The following INSRR variants were observed in gnomAD, a reference collection of about 807,000 sequenced individuals.
INSRR encodes insulin receptor related receptor, also known as insulin receptor-related protein.
A neutral mutation model predicts 130.0 loss-of-function variants in INSRR; 114 were observed. That is an observed-to-expected ratio of 0.88 (90% CI 0.75 to 1.02). INSRR has a LOEUF of 1.02. INSRR is among the 50% of genes least tolerant of loss of function. The pLI is 0.00. For missense variants in INSRR, 1,657 were observed against 1,735.2 expected, an observed-to-expected ratio of 0.95 and a Z score of 0.80; for synonymous variants, 674 against 705.2, an observed-to-expected ratio of 0.96 and a Z score of 0.70.
rs201311148 is a variant in INSRR, at chr1:156,854,215, C to T, written c.174G>A (p.Leu58=). The change falls in exon 2 of 22, where the codon CTG becomes CTA. Residue 58 remains leucine, a synonymous_variant. Transcript: ENST00000368195. This position sits in a 1 kb window ranked among gnomAD's most constrained non-coding sequence, Gnocchi z 4.2. ...CSVVEGHLQI[L]LMFTATGEDF... ...CCTCCCCGGTGGCTGTGAACATGAGCAGGATCTGCAGGTGGCCCTCCACCA... is the reference window on the plus strand; with the variant it reads ...CCTCCCCGGTGGCTGTGAACATGAGTAGGATCTGCAGGTGGCCCTCCACCA... The T allele has an allele frequency of 7.4e-6, 12 of 1,614,032 alleles. No individual in the cohort carries two copies. The Admixed American group carries it at 2.0e-4, about 27-fold the overall frequency.
Position 156,849,362 on chromosome 1 carries a change from G to A in INSRR, c.1328C>T (p.Ala443Val). ...TTCCAAGCAGAGGCGCGGGTTGAAG[G>A]CGAAGTAGATCTTGCCCACGGGAAT... ...LTIPVGKIYF[A>V]FNPRLCLEHI... The change falls in exon 6 of 22, where the codon GCC (alanine) becomes GTC (valine). Residue 443 changes from alanine (A) to valine (V), a missense_variant. Ala to Val is a moderately conservative substitution (Grantham distance 64). Transcript: ENST00000368195. 6.2e-7 allele frequency: 1 copy of A among 1,613,980 alleles called. No homozygotes were observed.
rs967609376 is a variant in INSRR at position 156,840,892 on chromosome 1, T to C, written c.3875A>G (p.Asn1292Ser). 2.5e-6 allele frequency: 4 copies of C among 1,611,938 alleles called. No homozygotes were observed. Among genetic ancestry groups the C allele is most frequent in the African/African-American group, 1.3e-5 (1 of 74,844 alleles). ...SPTPRDCSPQ[N>S]GGPGH ...TGCCCCTCAGTGCCCTGGACCCCCA[T>C]TTTGAGGGCTGCAGTCTCTTGGAGT... The change falls in exon 22 of 22, where the codon AAT becomes AGT. Residue 1292 changes from asparagine to serine, a missense_variant. Transcript: ENST00000368195.
rs768816866 is a variant in INSRR, at chr1:156,851,993, C to T, written c.836G>A (p.Arg279His). ...YESWRCVTAE[R>H]CASLHSVPGR... Reference sequence around the variant, plus strand: ...GGGCACAGAGTGCAGGCTGGCACAGCGCTCAGCTGTGACACAGCGCCAGGA... The same window carrying T: ...GGGCACAGAGTGCAGGCTGGCACAGTGCTCAGCTGTGACACAGCGCCAGGA... The change falls in exon 3 of 22, where the codon CGC becomes CAC. Residue 279 changes from arginine to histidine, a missense_variant. Coordinates refer to ENST00000368195, the MANE Select transcript of INSRR (RefSeq NM_014215.3). 47 of 1,611,656 alleles carry T rather than the reference C, an allele frequency of 2.9e-5. No individual in the cohort carries two copies. Among genetic ancestry groups the T allele is most frequent in the Middle Eastern group, 3.3e-4 (2 of 6,074 alleles).
Position 156,845,777 on chromosome 1 carries a change from G to T in INSRR, c.2016C>A (p.Phe672Leu), listed in dbSNP as rs1333894025. 6.2e-7 allele frequency: 1 copy of T among 1,613,200 alleles called. No individual in the cohort carries two copies. The highest frequency in any genetic ancestry group is 1.7e-5 in the Admixed American group (1 of 60,000). Reference sequence around the variant, plus strand: ...CCTCAGGATCCCCGTCTTCGCCGTCGAAGCGCGGATCGTTGTTGCTGGTGG... The same window carrying T: ...CCTCAGGATCCCCGTCTTCGCCGTCTAAGCGCGGATCGTTGTTGCTGGTGG... ...RLPTSNNDPR[F>L]DGEDGDPEAE... Residue 672 changes from phenylalanine (F) to leucine (L), a missense_variant, in exon 10 of 22, where the codon TTC becomes TTA. Phe to Leu is a conservative substitution (Grantham distance 22). Coordinates refer to ENST00000368195, the MANE Select transcript of INSRR (RefSeq NM_014215.3).
Position 156,841,462 on chromosome 1 carries a change from A to T in INSRR, c.3594T>A (p.Asn1198Lys). The change falls in exon 21 of 22, where the codon AAT (asparagine) becomes AAA (lysine). Residue 1198 changes from asparagine (N) to lysine (K), a missense_variant. Asn to Lys is a moderately conservative substitution (Grantham distance 94, BLOSUM62 0). Coordinates refer to ENST00000368195, the MANE Select transcript of INSRR (RefSeq NM_014215.3). ...CCATGACGAACTTCAGCACCTGCTC[A>T]TTGGACAGGCCCTGGTAGGGTTGTT... ...LAEQPYQGLS[N>K]EQVLKFVMDG... is the part of the protein sequence containing the mutation. 5 of 1,613,930 alleles carry T rather than the reference A, an allele frequency of 3.1e-6. No individual in the cohort carries two copies. Among genetic ancestry groups the T allele is most frequent in the Non-Finnish European group, 4.2e-6 (5 of 1,179,942 alleles).
rs760065948 is a variant in INSRR, at chr1:156,845,953, G to T, written c.1977C>A (p.Arg659=). ...GGCCTGCGCGTCGTCCCTGCGCACCGCGGTGGCAGTAGTCATTGAGGTAGA... is the reference window on the plus strand; with the variant it reads ...GGCCTGCGCGTCGTCCCTGCGCACCTCGGTGGCAGTAGTCATTGAGGTAGA... The part of the protein sequence containing the change: ...GDLYLNDYCH[R]GLRLPTSNND... The change falls in exon 9 of 22, where the codon CGC becomes CGA. Residue 659 remains arginine, a splice_region_variant and synonymous_variant. Coordinates refer to ENST00000368195, the MANE Select transcript of INSRR (RefSeq NM_014215.3). 2.5e-6 allele frequency: 4 copies of T among 1,611,598 alleles called. No individual in the cohort carries two copies. Among genetic ancestry groups the T allele is most frequent in the Non-Finnish European group, 3.4e-6 (4 of 1,178,864 alleles).
At position 156,854,476 on chromosome 1, in the gene INSRR, C is replaced by T. The variant is rs965041579; in HGVS notation, c.86-173G>A. Among the ~76,000 whole-genome samples, 2 of 152,140 alleles carry T rather than the reference C, an allele frequency of 1.3e-5. No individual in the cohort carries two copies. Among genetic ancestry groups the T allele is most frequent in the African/African-American group, 4.8e-5 (2 of 41,426 alleles). On this transcript the variant is annotated intron_variant, in intron 1 of 21. Transcript: ENST00000368195. This position sits in a 1 kb window ranked among gnomAD's most constrained non-coding sequence, Gnocchi z 4.2. ...TGGGCCCCGGAGGGCTCACCTGCAG[C>T]CTGCAGGGTCTCTACCAGATGAGCC...
chr1:156,854,389 C>T lies in INSRR; in HGVS notation c.86-86G>A, dbSNP rs1321245319. ...CTGGCAGCTTTGGAGGGGAGCCACACTGGCAGTAGGACAATGAGTGAGGAG... is the reference window on the plus strand; with the variant it reads ...CTGGCAGCTTTGGAGGGGAGCCACATTGGCAGTAGGACAATGAGTGAGGAG... On this transcript the variant is annotated intron_variant, in intron 1 of 21. Coordinates refer to ENST00000368195, the MANE Select transcript of INSRR (RefSeq NM_014215.3). This position sits in a 1 kb window ranked among gnomAD's most constrained non-coding sequence, Gnocchi z 4.2. The T allele has an allele frequency of 7.5e-7, 1 of 1,334,610 alleles. No homozygotes were observed. Among genetic ancestry groups the T allele is most frequent in the African/African-American group, 1.4e-5 (1 of 69,060 alleles). 82.7% of individuals were successfully genotyped at this position (1,334,610 alleles called of 1,614,324 possible).
At position 156,845,725 on chromosome 1, in the gene INSRR, A is replaced by G. The variant is rs1654974489; in HGVS notation, c.2068T>C (p.Cys690Arg). ...EAEMESDCCPCQHPPPGQVLP... is the reference protein window; with the variant it reads ...EAEMESDCCPRQHPPPGQVLP... ...ACCTGACCAGGAGGTGGGTGCTGGC[A>G]AGGGCAGCAGTCGGACTCCATCTCG... Residue 690 changes from cysteine to arginine, a missense_variant, in exon 10 of 22, where the codon TGC (cysteine) becomes CGC (arginine). By Grantham distance (180) the Cys-to-Arg change is radical. Coordinates refer to ENST00000368195, the MANE Select transcript of INSRR (RefSeq NM_014215.3). The G allele has an allele frequency of 6.2e-7, 1 of 1,613,438 alleles. No homozygotes were observed. The highest frequency in any genetic ancestry group is 8.5e-7 in the Non-Finnish European group (1 of 1,179,870).
chr1:156,851,230 T>C (rs749944916), intron 5 of INSRR, 60 bp downstream of exon 5: 7 of 1,601,418 alleles, frequency 4.4e-6, no homozygotes, highest in Non-Finnish European at 6.0e-6. Flanking sequence ...TCACCACTGT[T>C]CTGGGAGTGT....
chr1:156,854,208 A>G lies in INSRR; in HGVS notation c.181T>C (p.Phe61Leu), dbSNP rs931128844. Residue 61 changes from phenylalanine (F) to leucine (L), a missense_variant, in exon 2 of 22, where the codon TTC becomes CTC. Phe to Leu is a conservative substitution (Grantham distance 22, BLOSUM62 0). Coordinates refer to ENST00000368195, the MANE Select transcript of INSRR (RefSeq NM_014215.3). This position sits in a 1 kb window ranked among gnomAD's most constrained non-coding sequence, Gnocchi z 4.2. ...VEGHLQILLM[F>L]TATGEDFRGL... is the part of the protein sequence containing the mutation. ...CGGAAGTCCTCCCCGGTGGCTGTGA[A>G]CATGAGCAGGATCTGCAGGTGGCCC... is the stretch of plus-strand genomic sequence containing the variant. 6.2e-7 allele frequency: 1 copy of G among 1,613,938 alleles called. No individual in the cohort carries two copies. Among genetic ancestry groups the G allele is most frequent in the Admixed American group, 1.7e-5 (1 of 60,008 alleles).
rs1655322419 is a variant in INSRR, at chr1:156,853,975, AGCCCCACGCAGCACG to A, written c.399_413del (p.Leu135_Val139del). 2 of 1,612,826 alleles carry A rather than the reference AGCCCCACGCAGCACG, an allele frequency of 1.2e-6. No homozygotes were observed. Among genetic ancestry groups the A allele is most frequent in the Admixed American group, 1.7e-5 (1 of 59,980 alleles). ...GCTCCTGGTTCTTCTCCACACGCAC[AGCCCCACGCAGCACG>A]GCCCCAAGTGCAGGCAGTGCCACGT... On this transcript the variant is annotated inframe_deletion, in exon 2 of 22. Coordinates refer to ENST00000368195, the MANE Select transcript of INSRR (RefSeq NM_014215.3).
intron 6 of INSRR, 46 bp downstream of exon 6, chr1:156,849,200 C>T (rs774138879): frequency 1.9e-6 from 3 of 1,608,130 alleles, no homozygotes; most frequent in Non-Finnish European, 2.5e-6. Context: ...GTGTGCGTGT[C>T]TAGTGTGTGG....
chr1:156,841,479 A>T lies in INSRR; in HGVS notation c.3577T>A (p.Tyr1193Asn), dbSNP rs752548626. ...WEIVTLAEQP[Y>N]QGLSNEQVLK... ...ACCTGCTCATTGGACAGGCCCTGGT[A>T]GGGTTGTTCTGCCAGGGTCACAATC... Residue 1193 changes from tyrosine (Y) to asparagine (N), a missense_variant, in exon 21 of 22, where the codon TAC becomes AAC. Physicochemically the swap from Tyr to Asn is moderately radical, Grantham distance 143. Coordinates refer to ENST00000368195, the MANE Select transcript of INSRR (RefSeq NM_014215.3). 10 of 1,613,852 alleles carry T rather than the reference A, an allele frequency of 6.2e-6. No individual in the cohort carries two copies. Among genetic ancestry groups the T allele is most frequent in the South Asian group, 1.1e-5 (1 of 91,082 alleles).
In INSRR at chr1:156,841,540, C is replaced by G. The variant is rs1476884482; in HGVS notation, c.3528-12G>C. ...CCACGCCAAAGGACCTGGGGGCATG[C>G]AGGAGCTCCTGAGCCCAGCACCCTT... On this transcript the variant is annotated splice_polypyrimidine_tract_variant and intron_variant, in intron 20 of 21. Transcript: ENST00000368195. 1.2e-6 allele frequency: 2 copies of G among 1,613,882 alleles called. No homozygotes were observed. The highest frequency in any genetic ancestry group is 2.7e-5 in the African/African-American group (2 of 74,874).
intron 19 of INSRR, 126 bp downstream of exon 19, chr1:156,841,985 AG>A: frequency 6.4e-7 from 1 of 1,555,120 alleles, no homozygotes; most frequent in Non-Finnish European, 8.8e-7. Flanking sequence ...ACTAAGATAC[AG>A]GGTGGGGGTG....
chr1:156,852,226 G>GC, intron 2 of INSRR, 35 bp from the exon 3 acceptor site: 4 of 1,546,396 alleles, frequency 2.6e-6, no homozygotes, highest in Non-Finnish European at 3.5e-6. Flanking sequence ...CGTTGGCCAT[G>GC]CCCCCTCAGT....
At position 156,851,996 on chromosome 1, in the gene INSRR, T is replaced by C. The variant is rs984192969; in HGVS notation, c.833A>G (p.Glu278Gly). 6.2e-7 allele frequency: 1 copy of C among 1,612,104 alleles called. No homozygotes were observed. Among genetic ancestry groups the C allele is most frequent in the Non-Finnish European group, 8.5e-7 (1 of 1,178,820 alleles). Residue 278 changes from glutamate (E) to glycine (G), a missense_variant, in exon 3 of 22, where the codon GAG becomes GGG. Physicochemically the swap from Glu to Gly is moderately conservative, Grantham distance 98. Coordinates refer to ENST00000368195, the MANE Select transcript of INSRR (RefSeq NM_014215.3). Reference sequence around the variant, plus strand: ...CACAGAGTGCAGGCTGGCACAGCGCTCAGCTGTGACACAGCGCCAGGACTC... The same window carrying C: ...CACAGAGTGCAGGCTGGCACAGCGCCCAGCTGTGACACAGCGCCAGGACTC... Reference protein sequence around the residue: ...QYESWRCVTAERCASLHSVPG... With the variant: ...QYESWRCVTAGRCASLHSVPG...
intron 19 of INSRR, 155 bp from the exon 20 acceptor site, chr1:156,841,949 C>T: frequency 1.3e-6 from 2 of 1,549,650 alleles, no homozygotes; most frequent in Non-Finnish European, 1.8e-6. Context: ...TCATCCCATC[C>T]AAACCCCTCT....
Sources: gnomAD v4.1 joint callset for allele counts (sites outside exome capture counted in the v4.1 genomes callset) on GRCh38, gnomAD v4.1.1 for gene constraint, Gnocchi (gnomAD v3.1) non-coding constraint, MANE v1.5 for transcripts, NCBI Gene and HGNC (gene_info 2026-07-23, HGNC 2026-07-21) for gene names.